The following PTPRT variants were observed in gnomAD, a reference collection of about 807,000 sequenced individuals.
PTPRT encodes the protein protein tyrosine phosphatase receptor type T.
Under a neutral mutation model 176.8 loss-of-function variants are expected in PTPRT, and 56 were observed. That is an observed-to-expected ratio of 0.32 (90% CI 0.26 to 0.40). The LOEUF (loss-of-function observed/expected upper bound fraction) is 0.40. PTPRT is among the 10% of genes least tolerant of loss of function. The pLI, the probability that PTPRT is intolerant of heterozygous loss-of-function variation, is 1.00. For missense variants in PTPRT, 1,540 were observed against 1,908.2 expected (o/e 0.81, Z 3.60); for synonymous variants, 783 against 739.0 (o/e 1.06, Z -0.96).
At chr20:42,035,539 G>A in the PTPRT span, among the ~76,000 whole-genome samples, 3 of 152,080 alleles carry the variant, frequency 2.0e-5, no homozygotes, top group African/African-American at 7.2e-5. Flanking sequence ...CAACAGCCCA[G>A]CTATTGGCTA....
At chr20:42,657,446 G>A (rs966167866) in intron 7 of PTPRT, among the ~76,000 whole-genome samples, 2 of 152,110 alleles carry the variant, frequency 1.3e-5, no homozygotes, top group African/African-American at 4.8e-5. Context: ...TTCGTTCATG[G>A]TCTTCTTTTC....
chr20:42,709,325 G>A (rs567087512), intron 6 of PTPRT, among the ~76,000 whole-genome samples: 115 of 152,274 alleles, frequency 7.6e-4, no homozygotes, highest in Admixed American at 3.2e-3. Flanking sequence ...AAGGTGTTTC[G>A]GTCATAGGGG....
intron 1 of PTPRT, among the ~76,000 whole-genome samples, chr20:42,963,942 G>C (rs558449767): frequency 6.6e-6 from 1 of 152,046 alleles, no homozygotes; most frequent in Non-Finnish European, 1.5e-5. Flanking sequence ...TCAGGCTTTC[G>C]GGCTACATCC....
intron 14 of PTPRT, among the ~76,000 whole-genome samples, chr20:42,247,988 T>C (rs1383532237): frequency 1.3e-5 from 2 of 152,178 alleles, no homozygotes; most frequent in Non-Finnish European, 2.9e-5. Flanking sequence ...GTAGTACATC[T>C]TGGAAATAAG....
intron 1 of PTPRT, among the ~76,000 whole-genome samples, chr20:42,948,055 C>T (rs765325677): frequency 1.3e-5 from 2 of 152,086 alleles, no homozygotes; most frequent in Non-Finnish European, 2.9e-5. Flanking sequence ...CAATGCTGAC[C>T]ACTCTCTCCC....
chr20:42,758,525 T>C (rs146805054), intron 5 of PTPRT, among the ~76,000 whole-genome samples: 16 of 152,226 alleles, frequency 1.1e-4, no homozygotes, highest in East Asian at 1.9e-4. Context: ...TACAGGGAGA[T>C]TGTAGGTAAT....
At chr20:42,535,705 C>T (rs1601215059) in intron 7 of PTPRT, among the ~76,000 whole-genome samples, 1 of 152,242 alleles carries the variant, frequency 6.6e-6, no homozygotes, top group South Asian at 2.1e-4. Flanking sequence ...GTTGATGGGA[C>T]CAAGTAATGC....
intron 7 of PTPRT, among the ~76,000 whole-genome samples, chr20:42,556,376 A>C (rs2072860958): frequency 6.6e-6 from 1 of 152,154 alleles, no homozygotes; most frequent in African/African-American, 2.4e-5. Context: ...GGTGAATATC[A>C]ACATCTCATA....
chr20:42,860,325 T>C (rs753976350), intron 2 of PTPRT, among the ~76,000 whole-genome samples: 25 of 152,240 alleles, frequency 1.6e-4, no homozygotes, highest in Non-Finnish European at 3.2e-4. Context: ...AGTTTCAGGA[T>C]ATATTTCTAA....
intron 7 of PTPRT, among the ~76,000 whole-genome samples, chr20:42,540,408 G>T (rs1049946248): frequency 2.0e-5 from 3 of 152,160 alleles, no homozygotes; most frequent in African/African-American, 7.2e-5. Flanking sequence ...AGAAAAAAAA[G>T]AAGTGAGGAT....
chr20:43,070,673 T>C (rs939590041), intron 1 of PTPRT, among the ~76,000 whole-genome samples: 1 of 152,022 alleles, frequency 6.6e-6, no homozygotes, highest in African/African-American at 2.4e-5. Flanking sequence ...ATGTCCTTTG[T>C]AGGGACATGG....
rs568402826 is a variant in PTPRT, at chr20:42,456,963, A to C, written c.1451-8634T>G. On this transcript the variant is annotated intron_variant, in intron 8 of 30. Coordinates refer to ENST00000373187, the MANE Select transcript of PTPRT (RefSeq NM_007050.6). ...TTTGTTGCAAAAGTTTAAATTACTG[A>C]TTCTATTTCTTTATTTGTTGTAAAA... is the stretch of plus-strand genomic sequence containing the variant. Among the ~76,000 whole-genome samples, 5 of 152,230 alleles carry C rather than the reference A, an allele frequency of 3.3e-5. No individual in the cohort carries two copies. In the South Asian group the frequency reaches 1.0e-3, roughly 32 times the overall value.
rs546346664 is a variant in PTPRT, at chr20:42,928,937, G to A, written c.89-43005C>T. Among the ~76,000 whole-genome samples, 14 of 152,280 alleles carry A rather than the reference G, an allele frequency of 9.2e-5. No homozygotes were observed. In the South Asian group the frequency reaches 2.7e-3, roughly 29 times the overall value. Reference sequence around the variant, plus strand: ...CATATCTAACACCTTTCTTACCAGTGACATTGTCTGGATAACCCCAAACTG... The same window carrying A: ...CATATCTAACACCTTTCTTACCAGTAACATTGTCTGGATAACCCCAAACTG... On this transcript the variant is annotated intron_variant, in intron 1 of 30. Transcript: ENST00000373187.
chr20:42,879,388 G>C (rs1206329818), intron 2 of PTPRT, among the ~76,000 whole-genome samples: 2 of 152,124 alleles, frequency 1.3e-5, no homozygotes, highest in African/African-American at 2.4e-5. Context: ...AATCTCCACT[G>C]CCATCTGCAT....
chr20:42,978,613 T>C (rs1201990238), intron 1 of PTPRT, among the ~76,000 whole-genome samples: 1 of 152,040 alleles, frequency 6.6e-6, no homozygotes, highest in Non-Finnish European at 1.5e-5. Context: ...GTTAAGGCAG[T>C]CTAAGTTACA....
intron 1 of PTPRT, among the ~76,000 whole-genome samples, chr20:43,133,268 C>A (rs1228786927): frequency 6.6e-6 from 1 of 152,130 alleles, no homozygotes; most frequent in Non-Finnish European, 1.5e-5. Context: ...GAAAATAAAT[C>A]ATGCATTTAT....
chr20:43,069,668 T>C (rs533137905), intron 1 of PTPRT, among the ~76,000 whole-genome samples: 193 of 152,310 alleles, frequency 1.3e-3, no homozygotes, highest in African/African-American at 4.5e-3. Context: ...GTGAGGTATC[T>C]TTTAGCAAAG....
chr20:42,368,430 C>A (rs2058543699), intron 9 of PTPRT, among the ~76,000 whole-genome samples: 1 of 152,132 alleles, frequency 6.6e-6, no homozygotes, highest in Non-Finnish European at 1.5e-5. Flanking sequence ...ATCCCAGGGA[C>A]CCCGAGATCT....
chr20:42,130,365 C>T (rs1229897652), intron 18 of PTPRT, among the ~76,000 whole-genome samples: 1 of 152,154 alleles, frequency 6.6e-6, no homozygotes, highest in Non-Finnish European at 1.5e-5. Context: ...CCTGAAGCCA[C>T]AGTGGGATTC....
Sources: gnomAD v4.1 joint callset for allele counts (sites outside exome capture counted in the v4.1 genomes callset) on GRCh38, gnomAD v4.1.1 for gene constraint, MANE v1.5 for transcripts, NCBI Gene and HGNC (gene_info 2026-07-23, HGNC 2026-07-21) for gene names.